DAPK1: variants seen among roughly 807,000 people sequenced by gnomAD.
DAPK1 encodes the protein death-associated protein kinase 1.
In DAPK1, 56 loss-of-function variants were observed where a neutral mutation model predicts 144.9. The observed-to-expected ratio is 0.39, with a 90% CI of 0.31 to 0.48. DAPK1 has a LOEUF of 0.48. DAPK1 is among the 20% of genes least tolerant of loss of function. The pLI is 0.95. For missense variants in DAPK1, 1,454 were observed against 1,875.4 expected, an observed-to-expected ratio of 0.78 and a Z score of 4.15; for synonymous variants, 690 against 749.0, an observed-to-expected ratio of 0.92 and a Z score of 1.29.
intron 2 of DAPK1, among the ~76,000 whole-genome samples, chr9:87,499,969 CTG>C (rs1196574490): frequency 2.0e-5 from 3 of 152,188 alleles, no homozygotes; most frequent in South Asian, 2.1e-4. Context: ...TGGAATTTGA[CTG>C]TGGTGTATTT....
intron 21 of DAPK1, among the ~76,000 whole-genome samples, chr9:87,692,377 A>G (rs778425326): frequency 6.6e-6 from 1 of 152,072 alleles, no homozygotes; most frequent in Non-Finnish European, 1.5e-5. Context: ...TATAGATAAA[A>G]TGGATTTCTT....
Position 87,707,455 on chromosome 9 carries a change from T to C in DAPK1, c.*91T>C. On this transcript the variant is annotated 3_prime_UTR_variant, in exon 26 of 26. Transcript: ENST00000408954. This position sits in a 1 kb window ranked among gnomAD's most constrained non-coding sequence, Gnocchi z 4.0. ...CTTCCCTTTGGAGATGCTGAGGGTGTTTCTTCCTGCACCCACAGCCAGGGG... is the reference window on the plus strand; with the variant it reads ...CTTCCCTTTGGAGATGCTGAGGGTGCTTCTTCCTGCACCCACAGCCAGGGG... 1.1e-6 allele frequency: 1 copy of C among 874,220 alleles called. No homozygotes were observed. 54.2% of individuals were successfully genotyped at this position (874,220 alleles called of 1,614,324 possible).
intron 2 of DAPK1, among the ~76,000 whole-genome samples, chr9:87,543,748 G>A (rs2118493213): frequency 6.6e-6 from 1 of 152,242 alleles, no homozygotes. Context: ...ATCTCTTATG[G>A]TTCTGTAAGA....
chr9:87,515,873 G>A (rs970485725), intron 2 of DAPK1, among the ~76,000 whole-genome samples: 1 of 152,060 alleles, frequency 6.6e-6, no homozygotes, highest in African/African-American at 2.4e-5. Flanking sequence ...GACCTCTCCT[G>A]CCCACTCCTA....
rs1450402533 is a variant in DAPK1, at chr9:87,519,045, G to A, written c.62+19906G>A. ...TTGGCCAAGTCGAGTAAGTAACATCGGACTGATAGGAGGAAGAGCAGCTTA... is the reference window on the plus strand; with the variant it reads ...TTGGCCAAGTCGAGTAAGTAACATCAGACTGATAGGAGGAAGAGCAGCTTA... On this transcript the variant is annotated intron_variant, in intron 2 of 25. Coordinates refer to ENST00000408954, the MANE Select transcript of DAPK1 (RefSeq NM_004938.4). Among the ~76,000 whole-genome samples, 8 of 152,310 alleles carry A rather than the reference G, an allele frequency of 5.3e-5. No homozygotes were observed. In the South Asian group the frequency reaches 1.2e-3, roughly 24 times the overall value.
intron 19 of DAPK1, among the ~76,000 whole-genome samples, chr9:87,677,454 A>T (rs1824435154): frequency 6.6e-6 from 1 of 152,156 alleles, no homozygotes; most frequent in South Asian, 2.1e-4. Context: ...ATTCCTGCAG[A>T]CAGGACAGAC....
At chr9:87,512,418 A>C (rs1343492286) in intron 2 of DAPK1, among the ~76,000 whole-genome samples, 1 of 152,214 alleles carries the variant, frequency 6.6e-6, no homozygotes, top group Non-Finnish European at 1.5e-5. Flanking sequence ...CAGTTGTGAC[A>C]TGTACCAATT....
At chr9:87,671,527 G>A (rs1193936317) in intron 19 of DAPK1, among the ~76,000 whole-genome samples, 2 of 151,492 alleles carry the variant, frequency 1.3e-5, no homozygotes, top group East Asian at 3.9e-4. Flanking sequence ...TTGAGATGAG[G>A]TCTTGCTCTG....
chr9:87,499,935 T>C (rs1395569784), intron 2 of DAPK1, among the ~76,000 whole-genome samples: 1 of 152,252 alleles, frequency 6.6e-6, no homozygotes, highest in African/African-American at 2.4e-5. Context: ...CTAGTTTTCA[T>C]ACATACATTT....
intron 2 of DAPK1, among the ~76,000 whole-genome samples, chr9:87,540,456 G>T (rs532398394): frequency 2.0e-5 from 3 of 152,258 alleles, no homozygotes; most frequent in African/African-American, 7.2e-5. Context: ...CTCCCAAAGT[G>T]CTGAGGTTAC....
In DAPK1 at chr9:87,498,126, C is replaced by A. The variant is rs1477649219; in HGVS notation, c.-109+19C>A. 2.5e-6 allele frequency: 1 copy of A among 397,326 alleles called. No individual in the cohort carries two copies. Among genetic ancestry groups the A allele is most frequent in the African/African-American group, 2.1e-5 (1 of 48,604 alleles). The allele number at this position is 397,326 out of a possible 1,614,324, so 24.6% of individuals were successfully genotyped here. A position where few individuals can be genotyped will look rare whatever the true frequency, so the allele number is the denominator to read the frequency against. Reference sequence around the variant, plus strand: ...CGCCCGGGTGAGTAGCCAGGCGCGGCTCCCCGGTCCCCCCGACCCCCGGCG... The same window carrying A: ...CGCCCGGGTGAGTAGCCAGGCGCGGATCCCCGGTCCCCCCGACCCCCGGCG... On this transcript the variant is annotated intron_variant, in intron 1 of 25. Coordinates refer to ENST00000408954, the MANE Select transcript of DAPK1 (RefSeq NM_004938.4).
At chr9:87,632,138 T>C (rs1347631402) in intron 3 of DAPK1, 2 of 727,932 alleles carry the variant, frequency 2.7e-6, no homozygotes, top group Non-Finnish European at 3.4e-6. Context: ...ATATATAAAA[T>C]ACCAGATGGG....
At chr9:87,569,151 C>A (rs994495017) in intron 2 of DAPK1, among the ~76,000 whole-genome samples, 1 of 152,176 alleles carries the variant, frequency 6.6e-6, no homozygotes, top group Non-Finnish European at 1.5e-5. Flanking sequence ...TACTTGGGCT[C>A]AGCCTCAGAG....
At chr9:87,615,343 A>G (rs1274442110) in intron 3 of DAPK1, among the ~76,000 whole-genome samples, 1 of 152,216 alleles carries the variant, frequency 6.6e-6, no homozygotes, top group East Asian at 1.9e-4. Flanking sequence ...ACCGCTGGGA[A>G]TATGTGCTTG....
At chr9:87,649,822 T>G in intron 15 of DAPK1, 99 bp from the exon 16 acceptor site, 1 of 1,119,532 alleles carries the variant, frequency 8.9e-7, no homozygotes, top group East Asian at 2.4e-5. Flanking sequence ...GCTGCCTTGG[T>G]TGCGTTTCTG....
intron 2 of DAPK1, among the ~76,000 whole-genome samples, chr9:87,602,552 G>A (rs190899045): frequency 2.6e-5 from 4 of 152,204 alleles, no homozygotes; most frequent in African/African-American, 7.2e-5. Flanking sequence ...AGGTGAAAAC[G>A]CACGTGGAAC....
In DAPK1 at chr9:87,646,481, C is replaced by T. The variant is rs374473148; in HGVS notation, c.1152C>T (p.Leu384=). 1.2e-6 allele frequency: 2 copies of T among 1,613,804 alleles called. No homozygotes were observed. Among genetic ancestry groups the T allele is most frequent in the South Asian group, 1.1e-5 (1 of 91,052 alleles). ...TCTAGCACGGGACACCTCCATTACT[C>T]ATTGCTGCTGGCTGTGGGAATATTC... ...QPNKHGTPPL[L]IAAGCGNIQI... is the part of the protein sequence containing the mutation. Residue 384 remains leucine, a synonymous_variant, in exon 13 of 26, where the codon CTC becomes CTT. Coordinates refer to ENST00000408954, the MANE Select transcript of DAPK1 (RefSeq NM_004938.4).
intron 18 of DAPK1, among the ~76,000 whole-genome samples, chr9:87,659,791 A>C (rs559275837): frequency 6.6e-6 from 1 of 152,206 alleles, no homozygotes; most frequent in African/African-American, 2.4e-5. Context: ...CGCAGCGCTC[A>C]TTCTGCAGCC....
intron 21 of DAPK1, among the ~76,000 whole-genome samples, chr9:87,692,973 T>G (rs1825122320): frequency 1.5e-5 from 2 of 132,940 alleles, no homozygotes; most frequent in African/African-American, 2.8e-5. Flanking sequence ...TTTTTTTTTT[T>G]TTTTTTTTTT....
Sources: allele counts gnomAD v4.1 joint callset (sites outside exome capture counted in the v4.1 genomes callset), GRCh38; gene constraint gnomAD v4.1.1; non-coding constraint Gnocchi (gnomAD v3.1); transcripts MANE v1.5; gene names NCBI Gene and HGNC (gene_info 2026-07-23, HGNC 2026-07-21).